The following THG1L variants were observed in gnomAD, a reference collection of about 807,000 sequenced individuals.
THG1L encodes probable tRNA(His) guanylyltransferase.
In THG1L, 27 loss-of-function variants were observed where a neutral mutation model predicts 35.2. The observed-to-expected ratio is 0.77, with a 90% CI of 0.57 to 1.06. The LOEUF (loss-of-function observed/expected upper bound fraction) is 1.06, where lower values mean the gene tolerates loss of function less well. Among genes scored for constraint, THG1L ranks in the 50% least tolerant of loss-of-function variants. The pLI, the probability that THG1L is intolerant of heterozygous loss-of-function variation, is 0.00. For missense variants in THG1L, 377 were observed against 371.8 expected, an observed-to-expected ratio of 1.01 and a Z score of -0.12; for synonymous variants, 135 against 132.4, an observed-to-expected ratio of 1.02 and a Z score of -0.14.
At chr5:157,736,529 C>T (rs968088291) in intron 4 of THG1L, among the ~76,000 whole-genome samples, 3 of 152,136 alleles carry the variant, frequency 2.0e-5, no homozygotes, top group Admixed American at 6.5e-5. Context: ...GGATTACAGG[C>T]GTGAGCCAGT....
intron 4 of THG1L, among the ~76,000 whole-genome samples, chr5:157,736,403 C>T (rs1419746416): frequency 6.6e-6 from 1 of 152,092 alleles, no homozygotes; most frequent in African/African-American, 2.4e-5. Flanking sequence ...GTGCATGCCA[C>T]CACACCCAGC....
chr5:157,738,320 A>T (rs1005907365), intron 5 of THG1L, among the ~76,000 whole-genome samples: 2 of 152,206 alleles, frequency 1.3e-5, no homozygotes, highest in Non-Finnish European at 2.9e-5. Flanking sequence ...TAAAATACTT[A>T]AAAAATACTT....
intron 5 of THG1L, 77 bp downstream of exon 5, chr5:157,738,071 C>T (rs565432753): frequency 6.7e-5 from 75 of 1,116,408 alleles, no homozygotes; most frequent in African/African-American, 9.5e-5. Flanking sequence ...TGTGCCCTCC[C>T]TGCTGCCTGT....
chr5:157,738,601 T>C (rs74586937), intron 5 of THG1L: 5 of 424,910 alleles, frequency 1.2e-5, no homozygotes, highest in Non-Finnish European at 9.2e-6. Context: ...TTTTTTTTTT[T>C]CTGAAATGAA....
At chr5:157,737,222 G>A (rs148661160) in intron 4 of THG1L, among the ~76,000 whole-genome samples, 1,723 of 152,272 alleles carry the variant, frequency 0.011, 15 homozygotes, top group Non-Finnish European at 0.016. Context: ...CTGGTGTGGT[G>A]GTTCACGCAT....
chr5:157,731,558 G>T lies in THG1L; in HGVS notation c.118G>T (p.Asp40Tyr), dbSNP rs1760716723. The change falls in exon 1 of 6, where the codon GAC (aspartate) becomes TAC (tyrosine). Residue 40 changes from aspartate to tyrosine, a missense_variant. Asp to Tyr is a radical substitution (Grantham distance 160, BLOSUM62 -3). Transcript: ENST00000231198. ...AAAAAGCAAGTTCGAGTACGTGAGGGACTTCGAGGCTGACGACACCTGCCT... is the reference window on the plus strand; with the variant it reads ...AAAAAGCAAGTTCGAGTACGTGAGGTACTTCGAGGCTGACGACACCTGCCT... ...MAKSKFEYVR[D>Y]FEADDTCLAH... 6.2e-7 allele frequency: 1 copy of T among 1,612,184 alleles called. No individual in the cohort carries two copies. The highest frequency in any genetic ancestry group is 8.5e-7 in the Non-Finnish European group (1 of 1,179,154).
Position 157,737,925 on chromosome 5 carries a change from T to G in THG1L, c.666T>G (p.Ser222=). The change falls in exon 5 of 6, where the codon TCT becomes TCG. Residue 222 remains serine (S), a synonymous_variant. Coordinates refer to ENST00000231198, the MANE Select transcript of THG1L (RefSeq NM_017872.5). ...LAADKNEILF[S]EFNINYNNEL... ...CAGACAAGAATGAGATTTTGTTTTC[T>G]GAATTCAACATCAACTATAATAATG... 6.2e-7 allele frequency: 1 copy of G among 1,613,372 alleles called. No individual in the cohort carries two copies.
chr5:157,731,694 C>T (rs996940169), intron 1 of THG1L, 63 bp downstream of exon 1: 10 of 1,527,562 alleles, frequency 6.5e-6, no homozygotes, highest in Non-Finnish European at 8.8e-6. Context: ...CAGCTTCTTC[C>T]CTTGCAAGTC....
chr5:157,738,097 C>A, intron 5 of THG1L, 103 bp downstream of exon 5: 1 of 859,180 alleles, frequency 1.2e-6, no homozygotes, highest in Non-Finnish European at 1.8e-6. Flanking sequence ...GATGTTACTC[C>A]AGTTGCTAAT....
rs1332934793 is a variant in THG1L at position 157,731,590 on chromosome 5, C to G, written c.150C>G (p.His50Gln). The change falls in exon 1 of 6, where the codon CAC becomes CAG. Residue 50 changes from histidine to glutamine, a missense_variant. Transcript: ENST00000231198. The part of the protein sequence containing the change: ...DFEADDTCLA[H>Q]CWVVVRLDGR... ...AGGCTGACGACACCTGCCTGGCACA[C>G]TGCTGGGTGGTAGTGCGGCTGGACG... 1.9e-6 allele frequency: 3 copies of G among 1,608,604 alleles called. No homozygotes were observed. Among genetic ancestry groups the G allele is most frequent in the East Asian group, 2.2e-5 (1 of 44,472 alleles).
At position 157,731,563 on chromosome 5, in the gene THG1L, C is replaced by T. The variant is rs749480338; in HGVS notation, c.123C>T (p.Phe41=). 6.2e-7 allele frequency: 1 copy of T among 1,611,910 alleles called. No individual in the cohort carries two copies. Among genetic ancestry groups the T allele is most frequent in the Non-Finnish European group, 8.5e-7 (1 of 1,178,982 alleles). ...AKSKFEYVRD[F]EADDTCLAHC... ...GCAAGTTCGAGTACGTGAGGGACTT[C>T]GAGGCTGACGACACCTGCCTGGCAC... The change falls in exon 1 of 6, where the codon TTC becomes TTT. Residue 41 remains phenylalanine (F), a synonymous_variant. Transcript: ENST00000231198.
At chr5:157,732,598 T>C (rs1760757948) in intron 1 of THG1L, among the ~76,000 whole-genome samples, 1 of 152,216 alleles carries the variant, frequency 6.6e-6, no homozygotes, top group African/African-American at 2.4e-5. Flanking sequence ...TCCCTAATCT[T>C]CAGGACAACC....
chr5:157,734,249 G>A (rs1445987733), intron 2 of THG1L, among the ~76,000 whole-genome samples: 11 of 152,042 alleles, frequency 7.2e-5, no homozygotes, highest in Admixed American at 1.3e-4. Flanking sequence ...TTAGCTGGGC[G>A]TAGTGGCCTG....
intron 3 of THG1L, among the ~76,000 whole-genome samples, chr5:157,735,249 A>G (rs1429730249): frequency 6.6e-6 from 1 of 152,072 alleles, no homozygotes; most frequent in Non-Finnish European, 1.5e-5. Context: ...CCTTATCTCT[A>G]TTTTTTAAAA....
rs771912032 is a variant in THG1L, at chr5:157,732,969, T to C, written c.293T>C (p.Val98Ala). The change falls in exon 2 of 6, where the codon GTG becomes GCG. Residue 98 changes from valine (V) to alanine (A), a missense_variant. Val to Ala is a moderately conservative substitution (Grantham distance 64, BLOSUM62 0). Transcript: ENST00000231198. Reference sequence around the variant, plus strand: ...GTGATGGAAGAACTAGAGGATATTGTGATCGCGTATGGACAGAGTGATGAG... The same window carrying C: ...GTGATGGAAGAACTAGAGGATATTGCGATCGCGTATGGACAGAGTGATGAG... ...QTVMEELEDI[V>A]IAYGQSDEYS... 1 of 1,614,234 alleles carries C rather than the reference T, an allele frequency of 6.2e-7. No homozygotes were observed. Among genetic ancestry groups the C allele is most frequent in the Non-Finnish European group, 8.5e-7 (1 of 1,180,052 alleles).
At chr5:157,732,109 C>G (rs922614560) in intron 1 of THG1L, among the ~76,000 whole-genome samples, 1 of 150,066 alleles carries the variant, frequency 6.7e-6, no homozygotes, top group Non-Finnish European at 1.5e-5. Flanking sequence ...AAAGAGAAGG[C>G]TGGGCGCGGG....
At position 157,731,611 on chromosome 5, in the gene THG1L, G is replaced by A; in HGVS notation, c.171G>A (p.Leu57=). 1 of 1,596,398 alleles carries A rather than the reference G, an allele frequency of 6.3e-7. No homozygotes were observed. Among genetic ancestry groups the A allele is most frequent in the Non-Finnish European group, 8.5e-7 (1 of 1,170,040 alleles). The change falls in exon 1 of 6, where the codon CTG becomes CTA. Residue 57 remains leucine (L), a synonymous_variant. Transcript: ENST00000231198. ...CLAHCWVVVR[L]DGRNFHRFAE... is the part of the protein sequence containing the mutation. ...CACACTGCTGGGTGGTAGTGCGGCT[G>A]GACGGCCGGAATTTCCATCGGTGAG...
intron 3 of THG1L, 122 bp downstream of exon 3, chr5:157,734,867 G>C (rs995556858): frequency 9.8e-7 from 1 of 1,015,680 alleles, no homozygotes; most frequent in Admixed American, 3.4e-5. Flanking sequence ...ACAGAATGCA[G>C]TATTTAAATA....
At chr5:157,733,249 C>T (rs1760776578) in intron 2 of THG1L, among the ~76,000 whole-genome samples, 1 of 152,112 alleles carries the variant, frequency 6.6e-6, no homozygotes, top group Admixed American at 6.5e-5. Context: ...ATTCTTTCCC[C>T]ACATGCCCCA....
Sources: gnomAD v4.1 joint callset for allele counts (sites outside exome capture counted in the v4.1 genomes callset) on GRCh38, gnomAD v4.1.1 for gene constraint, MANE v1.5 for transcripts, NCBI Gene and HGNC (gene_info 2026-07-23, HGNC 2026-07-21) for gene names.